Variants in TENM3 observed in about 807,000 individuals in gnomAD.
TENM3 encodes the protein teneurin transmembrane protein 3, also known as teneurin-3.
Under a neutral mutation model 255.1 loss-of-function variants are expected in TENM3, and 63 were observed. The observed-to-expected ratio is 0.25, with a 90% confidence interval of 0.20 to 0.30. The LOEUF (loss-of-function observed/expected upper bound fraction) is 0.30, where lower values mean the gene tolerates loss of function less well. Ranked by LOEUF, TENM3 falls within the 10% of genes least tolerant of loss-of-function variation. The pLI is 1.00. For synonymous variants in TENM3, 1,306 were observed against 1,322.3 expected (o/e 0.99, Z 0.27); for missense variants, 2,929 against 3,461.1 (o/e 0.85, Z 3.86).
the TENM3 span, among the ~76,000 whole-genome samples, chr4:182,123,167 GTTGTTTGTTTT>G: frequency 6.6e-6 from 1 of 152,130 alleles, no homozygotes; most frequent in Non-Finnish European, 1.5e-5. Flanking sequence ...TGTTGTTGTT[GTTGTTTGTTTT>G]TTGTTTGTTT....
At chr4:181,706,565 A>T in the TENM3 span, among the ~76,000 whole-genome samples, 3 of 152,208 alleles carry the variant, frequency 2.0e-5, no homozygotes, top group African/African-American at 7.2e-5. Context: ...GATTCCCCAG[A>T]TAAGTATTCT....
At chr4:181,980,295 T>A in the TENM3 span, 1 of 152,162 alleles carries the variant, frequency 6.6e-6, no homozygotes, top group Admixed American at 6.6e-5. Context: ...TGGTAACTCA[T>A]CTCTCCCACA....
intron 3 of TENM3, among the ~76,000 whole-genome samples, chr4:182,365,057 G>A (rs1289852355): frequency 2.3e-4 from 35 of 152,096 alleles, no homozygotes; most frequent in Admixed American, 2.3e-3. Context: ...TTTCCCCCAG[G>A]GCACTGACAG....
At chr4:182,240,148 T>C (rs888200960), upstream of TENM3, among the ~76,000 whole-genome samples, 3 of 152,110 alleles carry the variant, frequency 2.0e-5, no homozygotes, top group African/African-American at 7.2e-5. Context: ...AAACTCATGA[T>C]TTATGAAGAC....
intron 3 of TENM3, among the ~76,000 whole-genome samples, chr4:182,369,522 T>G (rs1163118224): frequency 2.6e-5 from 4 of 152,148 alleles, no homozygotes; most frequent in Non-Finnish European, 4.4e-5. Flanking sequence ...CCTCACTGTC[T>G]CCAAGAGCTT....
intron 5 of TENM3, among the ~76,000 whole-genome samples, chr4:182,630,958 A>G (rs1451391426): frequency 6.6e-6 from 1 of 152,104 alleles, no homozygotes; most frequent in Non-Finnish European, 1.5e-5. Flanking sequence ...AGCAGGAAAA[A>G]ATAGCATTTT....
chr4:182,612,746 G>GACAC (rs34378103), intron 4 of TENM3, among the ~76,000 whole-genome samples: 12 of 150,754 alleles, frequency 8.0e-5, no homozygotes, highest in South Asian at 4.2e-4. Context: ...AATACACACA[G>GACAC]ACACACACAC....
chr4:182,036,480 C>T, the TENM3 span, among the ~76,000 whole-genome samples: 17 of 151,548 alleles, frequency 1.1e-4, no homozygotes, highest in African/African-American at 3.9e-4. Context: ...CGTGAACCAC[C>T]GCACCCGGCC....
chr4:182,290,504 G>C (rs900644802), intron 1 of TENM3, among the ~76,000 whole-genome samples: 2 of 152,138 alleles, frequency 1.3e-5, no homozygotes, highest in Non-Finnish European at 1.5e-5. Context: ...CTTTTAAATA[G>C]GAGGTTTTGT....
the TENM3 span, among the ~76,000 whole-genome samples, chr4:181,545,962 A>G: frequency 6.6e-6 from 1 of 152,176 alleles, no homozygotes; most frequent in African/African-American, 2.4e-5. Context: ...ACATATATGC[A>G]AGGAGTAAAT....
At chr4:181,628,101 T>G in the TENM3 span, among the ~76,000 whole-genome samples, 1 of 152,160 alleles carries the variant, frequency 6.6e-6, no homozygotes, top group South Asian at 2.1e-4. Context: ...TGATGAGCAT[T>G]TTTTCATGTG....
At chr4:182,794,191 A>C (rs1273888336) in intron 26 of TENM3, among the ~76,000 whole-genome samples, 1 of 152,226 alleles carries the variant, frequency 6.6e-6, no homozygotes, top group East Asian at 1.9e-4. Flanking sequence ...CAGAGTCCCA[A>C]AATTGGAGTC....
the TENM3 span, among the ~76,000 whole-genome samples, chr4:182,129,038 G>T: frequency 6.6e-6 from 1 of 152,162 alleles, no homozygotes. Context: ...TTGAGGCCAC[G>T]CAGAAAGATC....
chr4:182,788,545 A>G (rs1170127547), intron 24 of TENM3, among the ~76,000 whole-genome samples: 5 of 151,490 alleles, frequency 3.3e-5, no homozygotes, highest in Admixed American at 3.3e-4. Flanking sequence ...ACGCCTTCTC[A>G]AAAAACTGTG....
chr4:181,928,711 C>T, the TENM3 span, among the ~76,000 whole-genome samples: 1 of 151,970 alleles, frequency 6.6e-6, no homozygotes, highest in Admixed American at 6.6e-5. Context: ...AGAAGAGCAA[C>T]CCCAAGACAT....
At chr4:182,029,167 C>T in the TENM3 span, among the ~76,000 whole-genome samples, 1 of 152,042 alleles carries the variant, frequency 6.6e-6, no homozygotes, top group Non-Finnish European at 1.5e-5. Flanking sequence ...GGAATTTGCA[C>T]ATCACATGGC....
chr4:181,456,333 G>T, the TENM3 span, among the ~76,000 whole-genome samples: 1 of 151,680 alleles, frequency 6.6e-6, no homozygotes, highest in Non-Finnish European at 1.5e-5. Context: ...AGAGAGCCCT[G>T]GACCATTAAC....
chr4:181,527,089 T>C, the TENM3 span, among the ~76,000 whole-genome samples: 2 of 152,172 alleles, frequency 1.3e-5, no homozygotes, highest in African/African-American at 4.8e-5. Flanking sequence ...GTCAGTGCTG[T>C]TGTGTTTGCA....
chr4:181,456,682 T>C, the TENM3 span, among the ~76,000 whole-genome samples: 689 of 151,950 alleles, frequency 4.5e-3, 5 homozygotes, highest in African/African-American at 0.016. Context: ...TATATAAATA[T>C]GTAAATTATA....
Sources: allele counts gnomAD v4.1 joint callset (sites outside exome capture counted in the v4.1 genomes callset), GRCh38; gene constraint gnomAD v4.1.1; transcripts MANE v1.5; gene names NCBI Gene and HGNC (gene_info 2026-07-23, HGNC 2026-07-21).